TBC1D5: variants seen among roughly 807,000 people sequenced by gnomAD.
TBC1D5 encodes TBC1 domain family, member 5.
Under a neutral mutation model 100.3 loss-of-function variants are expected in TBC1D5, and 75 were observed. The observed-to-expected ratio is 0.75, with a 90% confidence interval of 0.62 to 0.91. The LOEUF (loss-of-function observed/expected upper bound fraction) is 0.91. TBC1D5 is among the 40% of genes least tolerant of loss of function. The probability of loss-of-function intolerance (pLI) is 0.00; values close to 1 mark genes in which losing one functional copy is unlikely to be tolerated. For missense variants in TBC1D5, 910 were observed against 942.4 expected (o/e 0.97, Z 0.45); for synonymous variants, 323 against 325.6 (o/e 0.99, Z 0.09).
intron 2 of TBC1D5, among the ~76,000 whole-genome samples, chr3:17,559,699 C>T (rs932180737): frequency 5.9e-5 from 9 of 151,756 alleles, no homozygotes; most frequent in Non-Finnish European, 1.3e-4. Context: ...AAGCGATTCT[C>T]CTGCCTCAGC....
chr3:17,478,235 C>T (rs1436156821), intron 3 of TBC1D5, among the ~76,000 whole-genome samples: 1 of 152,040 alleles, frequency 6.6e-6, no homozygotes, highest in Non-Finnish European at 1.5e-5. Flanking sequence ...TTCGGTAATG[C>T]CATCTTTTTT....
intron 17 of TBC1D5, 119 bp downstream of exon 18, chr3:17,233,566 A>C: frequency 1.7e-6 from 1 of 588,126 alleles, no homozygotes; most frequent in Non-Finnish European, 3.0e-6. Flanking sequence ...GAACAATGGT[A>C]GTGAATTGAA....
intron 1 of TBC1D5, among the ~76,000 whole-genome samples, chr3:17,710,266 A>C (rs552282503): frequency 4.6e-5 from 7 of 152,110 alleles, no homozygotes; most frequent in Admixed American, 2.0e-4. Context: ...ATTAATCTAA[A>C]TATATTGATA....
Position 17,496,469 on chromosome 3 carries a change from C to A in TBC1D5, c.97+12005G>T, listed in dbSNP as rs1442834795. On this transcript the variant is annotated intron_variant, in intron 3 of 21. Transcript: ENST00000253692. ...ACATGCACACACACACACGCACACA[C>A]ACACACACAAATGGGTCAACAGAAA... Among the ~76,000 whole-genome samples, 6 of 152,216 alleles carry A rather than the reference C, an allele frequency of 3.9e-5. No homozygotes were observed. In the South Asian group the frequency reaches 1.0e-3, roughly 26 times the overall value.
intron 15 of TBC1D5, among the ~76,000 whole-genome samples, chr3:17,270,956 T>C (rs1575064091): frequency 6.6e-6 from 1 of 152,340 alleles, no homozygotes; most frequent in East Asian, 1.9e-4. Flanking sequence ...AGTTCTCTAT[T>C]CTGTTCCATT....
intron 1 of TBC1D5, chr3:17,665,027 T>C (rs1438884156): frequency 2.8e-5 from 1 of 36,166 alleles, no homozygotes; most frequent in African/African-American, 9.1e-5. Flanking sequence ...AAAGCCCCGC[T>C]ATTTAAAAAA....
At chr3:17,177,709 G>A (rs565510170) in intron 19 of TBC1D5, among the ~76,000 whole-genome samples, 11 of 152,234 alleles carry the variant, frequency 7.2e-5, no homozygotes, top group Admixed American at 1.3e-4. Flanking sequence ...CTACTGCATC[G>A]GAATCCTATT....
intron 13 of TBC1D5, among the ~76,000 whole-genome samples, chr3:17,353,785 T>C (rs796236441): frequency 4.6e-5 from 7 of 152,042 alleles, no homozygotes; most frequent in African/African-American, 1.7e-4. Context: ...AACAGTGGAG[T>C]TTAACAAACA....
At chr3:17,209,922 C>T (rs760937135) in intron 18 of TBC1D5, among the ~76,000 whole-genome samples, 1 of 152,152 alleles carries the variant, frequency 6.6e-6, no homozygotes, top group African/African-American at 2.4e-5. Flanking sequence ...TGCTATTTAG[C>T]AGTGCTATAG....
intron 3 of TBC1D5, among the ~76,000 whole-genome samples, chr3:17,495,527 T>C (rs958660162): frequency 1.3e-5 from 2 of 152,246 alleles, no homozygotes; most frequent in Non-Finnish European, 2.9e-5. Flanking sequence ...TTATTAATTA[T>C]GACTTGGTTG....
chr3:17,654,796 C>T (rs1055119540), intron 1 of TBC1D5, among the ~76,000 whole-genome samples: 7 of 150,326 alleles, frequency 4.7e-5, no homozygotes, highest in African/African-American at 1.2e-4. Context: ...GTCCTGGACT[C>T]TTTTTGGTTG....
chr3:17,210,666 A>T (rs1368656313), intron 18 of TBC1D5, among the ~76,000 whole-genome samples: 1 of 152,150 alleles, frequency 6.6e-6, no homozygotes, highest in East Asian at 1.9e-4. Context: ...ATCTGAGTGT[A>T]GGTTTGTTTT....
rs539462149 is a variant in TBC1D5, at chr3:17,706,444, C to T, written c.-101+32899G>A. Reference sequence around the variant, plus strand: ...ACTTACACACACACACACACACGCGCGCGCACACCCCACTAGTGAGATGTT... The same window carrying T: ...ACTTACACACACACACACACACGCGTGCGCACACCCCACTAGTGAGATGTT... On this transcript the variant is annotated intron_variant, in intron 1 of 21. Coordinates refer to ENST00000253692, the Ensembl canonical transcript of TBC1D5. Among the ~76,000 whole-genome samples the T allele has an allele frequency of 1.6e-4, 24 of 151,602 alleles. No homozygotes were observed. In the East Asian group the frequency reaches 2.7e-3, roughly 17 times the overall value.
intron 13 of TBC1D5, among the ~76,000 whole-genome samples, chr3:17,347,769 T>A (rs2090085929): frequency 6.6e-6 from 1 of 152,034 alleles, no homozygotes; most frequent in African/African-American, 2.4e-5. Flanking sequence ...AACACTTAGG[T>A]GGGAGAATCA....
chr3:17,637,929 C>T (rs1244131956), intron 1 of TBC1D5, among the ~76,000 whole-genome samples: 2 of 152,146 alleles, frequency 1.3e-5, no homozygotes, highest in South Asian at 2.1e-4. Context: ...CCACTTACAA[C>T]ATTACTTATT....
chr3:17,682,643 G>C (rs2069658657), intron 1 of TBC1D5, among the ~76,000 whole-genome samples: 1 of 122,496 alleles, frequency 8.2e-6, no homozygotes, highest in Admixed American at 7.9e-5. Context: ...ATTTGACCAG[G>C]AAGGTCCCAG....
At chr3:17,237,582 C>T (rs2075961504) in intron 17 of TBC1D5, among the ~76,000 whole-genome samples, 1 of 152,154 alleles carries the variant, frequency 6.6e-6, no homozygotes, top group South Asian at 2.1e-4. Flanking sequence ...GGATGATCTC[C>T]CAGGTTTCCT....
At chr3:17,411,338 G>A (rs146360264) in intron 4 of TBC1D5, among the ~76,000 whole-genome samples, 200 of 152,152 alleles carry the variant, frequency 1.3e-3, no homozygotes, top group African/African-American at 4.6e-3. Flanking sequence ...AAAATATCAC[G>A]TGACTCACTT....
At position 17,278,310 on chromosome 3, in the gene TBC1D5, T is replaced by G. The variant is rs115512262; in HGVS notation, c.1245+13585A>C. ...ACCCATGTCAGTTTTCAGTGGCCAG[T>G]GGTATACAGCAGGGGTCCTTCAACC... On this transcript the variant is annotated intron_variant, in intron 15 of 21. Transcript: ENST00000253692. Among the ~76,000 whole-genome samples, 905 of 152,300 alleles carry G rather than the reference T, an allele frequency of 5.9e-3. 5 individuals carry two copies. The highest frequency in any genetic ancestry group is 0.021 in the African/African-American group (883 of 41,560).
Sources: allele counts gnomAD v4.1 joint callset (sites outside exome capture counted in the v4.1 genomes callset), GRCh38; gene constraint gnomAD v4.1.1; transcripts MANE v1.5; gene names NCBI Gene and HGNC (gene_info 2026-07-23, HGNC 2026-07-21).